Variants in TRIM68 observed in about 807,000 individuals in gnomAD.
TRIM68 encodes E3 ubiquitin-protein ligase TRIM68.
In TRIM68, 36 loss-of-function variants were observed where a neutral mutation model predicts 41.9. That is an observed-to-expected ratio of 0.86 (90% CI 0.66 to 1.14). The LOEUF (loss-of-function observed/expected upper bound fraction) is 1.14. TRIM68 is among the 50% of genes most tolerant of loss of function. The pLI, the probability that TRIM68 is intolerant of heterozygous loss-of-function variation, is 0.00. For synonymous variants in TRIM68, 225 were observed against 224.6 expected (o/e 1.00, Z -0.02); for missense variants, 632 against 605.1 (o/e 1.04, Z -0.47).
At chr11:4,601,532 TG>T in intron 5 of TRIM68, 131 bp downstream of exon 5, 3 of 879,128 alleles carry the variant, frequency 3.4e-6, no homozygotes, top group Non-Finnish European at 3.7e-6. Flanking sequence ...ACCATGTAAG[TG>T]GGACGAGACT....
Position 4,600,039 on chromosome 11 carries a change from C to T in TRIM68, c.*237G>A, listed in dbSNP as rs1386996502. Reference sequence around the variant, plus strand: ...GAACTGCTCTGATCCTCACCATCAGCCCTGTCGTGCTTCCCTCATGGGATG... The same window carrying T: ...GAACTGCTCTGATCCTCACCATCAGTCCTGTCGTGCTTCCCTCATGGGATG... On this transcript the variant is annotated 3_prime_UTR_variant, in exon 7 of 7. Coordinates refer to ENST00000300747, the MANE Select transcript of TRIM68 (RefSeq NM_018073.8). 4.3e-6 allele frequency: 2 copies of T among 469,742 alleles called. No homozygotes were observed. Among genetic ancestry groups the T allele is most frequent in the East Asian group, 6.5e-5 (2 of 30,946 alleles). The allele number at this position is 469,742 out of a possible 1,614,324, so 29.1% of individuals were successfully genotyped here. A position where few individuals can be genotyped will look rare whatever the true frequency, so the allele number is the denominator to read the frequency against.
chr11:4,601,739 G>A, intron 4 of TRIM68, 53 bp from the exon 5 acceptor site: 3 of 1,604,096 alleles, frequency 1.9e-6, no homozygotes, highest in East Asian at 2.2e-5. Context: ...TCCTCAGAGG[G>A]AACAGACATC....
In TRIM68 at chr11:4,601,849, A is replaced by C. The variant is rs1344219327; in HGVS notation, c.784-163T>G. The C allele has an allele frequency of 8.8e-6, 8 of 909,328 alleles. No individual in the cohort carries two copies. The East Asian group carries it at 1.8e-4, about 20-fold the overall frequency. The allele number at this position is 909,328 out of a possible 1,614,324, so 56.3% of individuals were successfully genotyped here. On this transcript the variant is annotated intron_variant, in intron 4 of 6. Transcript: ENST00000300747. ...GAAGCCTATGGAAGGATGGAAGAGC[A>C]GGCTGAGCTTTGGCTGAACTGGCCA... is the stretch of plus-strand genomic sequence containing the variant.
chr11:4,606,695 A>G (rs1846575322), intron 1 of TRIM68, among the ~76,000 whole-genome samples: 1 of 152,086 alleles, frequency 6.6e-6, no homozygotes, highest in Non-Finnish European at 1.5e-5. Flanking sequence ...TTATTTCACA[A>G]CCCTAGGCAG....
At chr11:4,602,962 G>A (rs112251048) in intron 3 of TRIM68, among the ~76,000 whole-genome samples, 1,819 of 152,290 alleles carry the variant, frequency 0.012, 28 homozygotes, top group Middle Eastern at 0.037. Flanking sequence ...CATGATATAA[G>A]CCATGCCACT....
Position 4,600,433 on chromosome 11 carries a change from AT to A in TRIM68, c.1300del (p.Ile434PhefsTer6), listed in dbSNP as rs777133797. 1 of 1,613,982 alleles carries A rather than the reference AT, an allele frequency of 6.2e-7. No individual in the cohort carries two copies. Among genetic ancestry groups the A allele is most frequent in the Non-Finnish European group, 8.5e-7 (1 of 1,179,968 alleles). On this transcript the variant is annotated frameshift_variant, in exon 7 of 7. Coordinates refer to ENST00000300747, the MANE Select transcript of TRIM68 (RefSeq NM_018073.8). LOFTEE classifies it high-confidence loss of function. ...GIFVDYEAHDISFYNVTDCGS... is the reference protein window; with the variant it reads ...GIFVDYEAHDXSFYNVTDCGS... Reference sequence around the variant, plus strand: ...ACAGTCAGTCACATTGTAGAAAGAAATGTCATGGGCCTCATAATCCACGAAG... The same window carrying A: ...ACAGTCAGTCACATTGTAGAAAGAAAGTCATGGGCCTCATAATCCACGAAG...
chr11:4,601,881 G>A (rs2133198337), intron 4 of TRIM68, 195 bp from the exon 5 acceptor site: 3 of 781,108 alleles, frequency 3.8e-6, no homozygotes, highest in Non-Finnish European at 6.2e-6. Flanking sequence ...GCCAATTTCA[G>A]GCTCCATCTC....
chr11:4,604,304 A>G (rs1846537682), intron 2 of TRIM68, among the ~76,000 whole-genome samples: 1 of 152,248 alleles, frequency 6.6e-6, no homozygotes, highest in South Asian at 2.1e-4. Context: ...TGGATCACAG[A>G]ATCACTGAGA....
At chr11:4,607,041 G>A (rs762793935) in intron 1 of TRIM68, among the ~76,000 whole-genome samples, 2 of 152,070 alleles carry the variant, frequency 1.3e-5, no homozygotes, top group Admixed American at 6.5e-5. Flanking sequence ...CCTGGCTCCC[G>A]GTTAACAAGA....
intron 5 of TRIM68, 79 bp downstream of exon 5, chr11:4,601,585 T>A: frequency 6.6e-7 from 1 of 1,508,236 alleles, no homozygotes; most frequent in Non-Finnish European, 9.2e-7. Flanking sequence ...GAGTCTGTGC[T>A]CCGTCCCTAC....
In TRIM68 at chr11:4,601,048, C is replaced by G; in HGVS notation, c.886G>C (p.Glu296Gln). 6.2e-7 allele frequency: 1 copy of G among 1,614,188 alleles called. No homozygotes were observed. The highest frequency in any genetic ancestry group is 8.5e-7 in the Non-Finnish European group (1 of 1,180,024). Residue 296 changes from glutamate (E) to glutamine (Q), a missense_variant, in exon 6 of 7, where the codon GAG (glutamate) becomes CAG (glutamine). Coordinates refer to ENST00000300747, the MANE Select transcript of TRIM68 (RefSeq NM_018073.8). ...KTDCRVLGLR[E>Q]ILKTYAADVR... ...TTACCTGCATAAGTCTTCAGGATCT[C>G]TCTTAGCCCCAGCACACGGCAATCT... is the stretch of plus-strand genomic sequence containing the variant.
In TRIM68 at chr11:4,600,139, C is replaced by A; in HGVS notation, c.*137G>T. On this transcript the variant is annotated 3_prime_UTR_variant, in exon 7 of 7. Transcript: ENST00000300747. Reference sequence around the variant, plus strand: ...ACAGACTTCAGCCTGGTAGCAAAGACCAAAGGATCAGACAGAGGAATCCTT... The same window carrying A: ...ACAGACTTCAGCCTGGTAGCAAAGAACAAAGGATCAGACAGAGGAATCCTT... 1 of 889,862 alleles carries A rather than the reference C, an allele frequency of 1.1e-6. No homozygotes were observed. The highest frequency in any genetic ancestry group is 2.3e-5 in the South Asian group (1 of 44,014). The allele number at this position is 889,862 out of a possible 1,614,324, so 55.1% of individuals were successfully genotyped here. A position where few individuals can be genotyped will look rare whatever the true frequency, so the allele number is the denominator to read the frequency against.
At position 4,601,650 on chromosome 11, in the gene TRIM68, G is replaced by T. The variant is rs768128711; in HGVS notation, c.806+14C>A. ...CTACAGGGCTGCTTAGAGGCTCCAA[G>T]GGTGAGAACATACCTGTTTAACACT... is the stretch of plus-strand genomic sequence containing the variant. On this transcript the variant is annotated intron_variant, in intron 5 of 6. Coordinates refer to ENST00000300747, the MANE Select transcript of TRIM68 (RefSeq NM_018073.8). 1 of 1,613,970 alleles carries T rather than the reference G, an allele frequency of 6.2e-7. No homozygotes were observed. The highest frequency in any genetic ancestry group is 8.5e-7 in the Non-Finnish European group (1 of 1,179,938).
In TRIM68 at chr11:4,600,794, A is replaced by G; in HGVS notation, c.940T>C (p.Ser314Pro). The G allele has an allele frequency of 6.2e-7, 1 of 1,614,078 alleles. No individual in the cohort carries two copies. Among genetic ancestry groups the G allele is most frequent in the Non-Finnish European group, 8.5e-7 (1 of 1,179,970 alleles). Residue 314 changes from serine to proline, a missense_variant, in exon 7 of 7, where the codon TCC becomes CCC. Transcript: ENST00000300747. The part of the protein sequence containing the change: ...DVRLDPDTAY[S>P]RLIVSEDRKR... ...CTGTCCTCAGACACGATGAGACGGGAGTAAGCAGTATCTGGATCCAAGCGC... is the reference window on the plus strand; with the variant it reads ...CTGTCCTCAGACACGATGAGACGGGGGTAAGCAGTATCTGGATCCAAGCGC...
chr11:4,605,022 AG>A lies in TRIM68; in HGVS notation c.426+56del, dbSNP rs1846546642. On this transcript the variant is annotated intron_variant, in intron 2 of 6. Coordinates refer to ENST00000300747, the MANE Select transcript of TRIM68 (RefSeq NM_018073.8). The stretch of plus-strand genomic sequence containing the variant: ...GTGCTGGTGGTCAAGCCCTTGATCT[AG>A]AAACAGCCAACTTGGGGCCGGGGTT... 4.4e-6 allele frequency: 7 copies of A among 1,579,526 alleles called. No homozygotes were observed. The South Asian group carries it at 7.0e-5, about 16-fold the overall frequency.
intron 3 of TRIM68, among the ~76,000 whole-genome samples, chr11:4,602,718 C>G (rs1427864777): frequency 6.6e-6 from 1 of 152,152 alleles, no homozygotes; most frequent in Non-Finnish European, 1.5e-5. Context: ...GTCTCTAAGG[C>G]AGTGTAACTT....
At chr11:4,602,463 C>G in intron 3 of TRIM68, 51 bp from the exon 4 acceptor site, 9 of 1,600,850 alleles carry the variant, frequency 5.6e-6, no homozygotes, top group Non-Finnish European at 7.7e-6. Context: ...CACCCAGTAT[C>G]GAGCATACTG....
intron 1 of TRIM68, 75 bp from the exon 2 acceptor site, chr11:4,605,636 T>G: frequency 1.1e-6 from 1 of 951,480 alleles, no homozygotes; most frequent in Non-Finnish European, 1.5e-6. Flanking sequence ...CAGGAATAAT[T>G]AATTTCTGGG....
chr11:4,602,212 C>A lies in TRIM68; in HGVS notation c.723G>T (p.Leu241=). 6.2e-7 allele frequency: 1 copy of A among 1,614,208 alleles called. No homozygotes were observed. Among genetic ancestry groups the A allele is most frequent in the Non-Finnish European group, 8.5e-7 (1 of 1,180,040 alleles). The part of the protein sequence containing the change: ...HSELIQQSQV[L]WRMIAELKER... Reference sequence around the variant, plus strand: ...CTTTCAACTCTGCAATCATCCTCCACAGGACCTGGCTCTGCTGGATGAGCT... The same window carrying A: ...CTTTCAACTCTGCAATCATCCTCCAAAGGACCTGGCTCTGCTGGATGAGCT... The change falls in exon 4 of 7, where the codon CTG becomes CTT. Residue 241 remains leucine (L), a synonymous_variant. Coordinates refer to ENST00000300747, the MANE Select transcript of TRIM68 (RefSeq NM_018073.8).
Sources: allele counts gnomAD v4.1 joint callset (sites outside exome capture counted in the v4.1 genomes callset), GRCh38; gene constraint gnomAD v4.1.1; transcripts MANE v1.5; gene names NCBI Gene and HGNC (gene_info 2026-07-23, HGNC 2026-07-21).